The following ATXN7 variants were observed in gnomAD, a reference collection of about 807,000 sequenced individuals.
ATXN7 encodes ataxin-7.
Under a neutral mutation model 70.5 loss-of-function variants are expected in ATXN7, and 12 were observed. That is an observed-to-expected ratio of 0.17 (90% CI 0.11 to 0.28). ATXN7 has a LOEUF of 0.28. ATXN7 is among the 10% of genes least tolerant of loss of function. The pLI, the probability that ATXN7 is intolerant of heterozygous loss-of-function variation, is 1.00. For synonymous variants in ATXN7, 498 were observed against 448.7 expected (o/e 1.11, Z -1.39); for missense variants, 1,256 against 1,131.7 (o/e 1.11, Z -1.58).
chr3:63,912,808 C>T lies in ATXN7; in HGVS notation c.210C>T (p.Thr70=), dbSNP rs771619986. The change falls in exon 3 of 13, where the codon ACC becomes ACT. Residue 70 remains threonine, a synonymous_variant. Transcript: ENST00000674280. ...PEDGGPGAAS[T]SAAAMATVGE... is the part of the protein sequence containing the mutation. The stretch of plus-strand genomic sequence containing the variant: ...ACGGCGGGCCCGGCGCCGCCTCCAC[C>T]TCGGCCGCCGCAATGGCGACGGTCG... The T allele has an allele frequency of 1.9e-6, 3 of 1,565,454 alleles. No individual in the cohort carries two copies. The highest frequency in any genetic ancestry group is 1.9e-5 in the Admixed American group (1 of 52,802).
intron 4 of ATXN7, among the ~76,000 whole-genome samples, chr3:63,913,571 G>T (rs1167365172): frequency 6.6e-6 from 1 of 152,178 alleles, no homozygotes; most frequent in Non-Finnish European, 1.5e-5. Flanking sequence ...ACCTTTCCAC[G>T]AATGCTTAGG....
chr3:63,946,632 G>C (rs1340448218), intron 4 of ATXN7, among the ~76,000 whole-genome samples: 1 of 143,172 alleles, frequency 7.0e-6, no homozygotes, highest in African/African-American at 2.7e-5. Context: ...GACAGAGCGA[G>C]ACTCTGTCTC....
intron 4 of ATXN7, among the ~76,000 whole-genome samples, chr3:63,935,449 T>C (rs1457967469): frequency 6.6e-6 from 1 of 152,152 alleles, no homozygotes; most frequent in Non-Finnish European, 1.5e-5. Context: ...AAAAAAATTA[T>C]TCCCCCAAAG....
chr3:63,995,780 C>T lies in ATXN7; in HGVS notation c.1958C>T (p.Pro653Leu), dbSNP rs759141019. 1.4e-5 allele frequency: 23 copies of T among 1,614,116 alleles called. No individual in the cohort carries two copies. Among genetic ancestry groups the T allele is most frequent in the Middle Eastern group, 3.3e-4 (2 of 6,084 alleles). Residue 653 changes from proline (P) to leucine (L), a missense_variant, in exon 12 of 13, where the codon CCT becomes CTT. Coordinates refer to ENST00000674280, the MANE Select transcript of ATXN7 (RefSeq NM_001377405.1). Reference protein sequence around the residue: ...SRQVSSSSSSPSTPSGLSSVP... With the variant: ...SRQVSSSSSSLSTPSGLSSVP... ...CAAGTGTCCTCTTCATCCTCATCCC[C>T]TTCCACGCCCTCTGGCCTTTCCTCG...
intron 4 of ATXN7, among the ~76,000 whole-genome samples, chr3:63,940,281 C>T (rs1011785541): frequency 7.4e-6 from 1 of 135,990 alleles, no homozygotes; most frequent in African/African-American, 2.9e-5. Context: ...GAGGCCATGC[C>T]CCATCACACA....
At chr3:63,868,150 CTT>C (rs1187713273) in intron 1 of ATXN7, among the ~76,000 whole-genome samples, 2 of 152,316 alleles carry the variant, frequency 1.3e-5, no homozygotes, top group African/African-American at 4.8e-5. Context: ...GCTCCACTCT[CTT>C]CTCTCCAGAA....
upstream of ATXN7, chr3:63,863,439 A>G (rs1053872989): frequency 1.1e-4 from 123 of 1,116,546 alleles, no homozygotes; most frequent in Non-Finnish European, 1.3e-4. Context: ...CCGCCCTTGC[A>G]CCGCTTCTAG....
rs1346623946 is a variant in ATXN7 at position 64,000,238 on chromosome 3, A to G, written c.*771A>G. The G allele has an allele frequency of 6.8e-6, 1 of 146,218 alleles. No homozygotes were observed. The highest frequency in any genetic ancestry group is 1.5e-5 in the Non-Finnish European group (1 of 66,390). 9.1% of individuals were successfully genotyped at this position (146,218 alleles called of 1,614,324 possible). ...GTGTGATTTTTTTTTTTAAGAAGAAAGAAAATGCAAGCTAGTTTTGAGAAA... is the reference window on the plus strand; with the variant it reads ...GTGTGATTTTTTTTTTTAAGAAGAAGGAAAATGCAAGCTAGTTTTGAGAAA... On this transcript the variant is annotated 3_prime_UTR_variant, in exon 13 of 13. Coordinates refer to ENST00000674280, the MANE Select transcript of ATXN7 (RefSeq NM_001377405.1).
chr3:63,873,232 CTT>C (rs1702648511), intron 1 of ATXN7, among the ~76,000 whole-genome samples: 1 of 152,152 alleles, frequency 6.6e-6, no homozygotes, highest in Non-Finnish European at 1.5e-5. Flanking sequence ...AGCCAGAGAT[CTT>C]TGGTTGTAAG....
Position 64,000,822 on chromosome 3 carries a change from A to G in ATXN7, c.*1355A>G, listed in dbSNP as rs2075825595. ...TACCCCACCCCCCACCCCTAAAGAA[A>G]GACCTTAATATGTTAAAACAGCATT... On this transcript the variant is annotated 3_prime_UTR_variant, in exon 13 of 13. Transcript: ENST00000674280. The G allele has an allele frequency of 8.9e-6, 1 of 112,682 alleles. No homozygotes were observed. Among genetic ancestry groups the G allele is most frequent in the African/African-American group, 3.5e-5 (1 of 28,640 alleles). 7.0% of individuals were successfully genotyped at this position (112,682 alleles called of 1,614,324 possible). A position where few individuals can be genotyped will look rare whatever the true frequency, so the allele number is the denominator to read the frequency against.
intron 4 of ATXN7, among the ~76,000 whole-genome samples, chr3:63,947,887 C>A (rs1310828725): frequency 6.6e-6 from 1 of 152,032 alleles, no homozygotes; most frequent in Non-Finnish European, 1.5e-5. Context: ...GTGCCTGGAG[C>A]AGAGTGAGCC....
chr3:63,998,497 C>T (rs2075795275), intron 12 of ATXN7: 3 of 985,292 alleles, frequency 3.0e-6, no homozygotes, highest in Non-Finnish European at 3.6e-6. Context: ...CATGTAGTGG[C>T]ACTATGTCTT....
At chr3:63,882,447 C>T (rs1207992195) in intron 1 of ATXN7, among the ~76,000 whole-genome samples, 3 of 149,600 alleles carry the variant, frequency 2.0e-5, no homozygotes, top group African/African-American at 2.5e-5. Context: ...TGCAGTGGCA[C>T]AATCTTGGCT....
chr3:63,910,456 T>G (rs566482891), intron 2 of ATXN7, among the ~76,000 whole-genome samples: 27 of 152,198 alleles, frequency 1.8e-4, no homozygotes, highest in Non-Finnish European at 3.5e-4. Context: ...AGTAATAAAT[T>G]GTGTACTTTA....
At chr3:63,941,675 G>C (rs2074771284) in intron 4 of ATXN7, among the ~76,000 whole-genome samples, 1 of 151,724 alleles carries the variant, frequency 6.6e-6, no homozygotes, top group African/African-American at 2.4e-5. Flanking sequence ...GTTTACGCAG[G>C]GCCAGACCTC....
At chr3:63,886,680 A>C (rs1344815240) in intron 1 of ATXN7, among the ~76,000 whole-genome samples, 10 of 152,222 alleles carry the variant, frequency 6.6e-5, no homozygotes, top group Admixed American at 6.5e-4. Flanking sequence ...AAGTCATCCC[A>C]AAATTGAAAG....
At chr3:63,947,455 G>A (rs1156981917) in intron 4 of ATXN7, among the ~76,000 whole-genome samples, 1 of 152,212 alleles carries the variant, frequency 6.6e-6, no homozygotes, top group East Asian at 1.9e-4. Context: ...GGGCGTGGTG[G>A]TGCACACCTG....
rs552964080 is a variant in ATXN7, at chr3:63,961,441, A to G, written c.499+8958A>G. Reference sequence around the variant, plus strand: ...GGAATGTCTGTCAGTATTTTAGCATATTGATTCTCCGCATGGAACCTGGTC... The same window carrying G: ...GGAATGTCTGTCAGTATTTTAGCATGTTGATTCTCCGCATGGAACCTGGTC... On this transcript the variant is annotated intron_variant, in intron 5 of 12. Transcript: ENST00000674280. Among the ~76,000 whole-genome samples, 333 of 152,252 alleles carry G rather than the reference A, an allele frequency of 2.2e-3. 1 individual carries two copies. Among genetic ancestry groups the G allele is most frequent in the African/African-American group, 7.0e-3 (290 of 41,538 alleles).
rs1186393667 is a variant in ATXN7, at chr3:63,863,942, C to CCTGCTCCGACGCCTGA, written c.-327_-326insCTGCTCCGACGCCTGA. 5.1e-5 allele frequency: 7 copies of CCTGCTCCGACGCCTGA among 137,220 alleles called. No homozygotes were observed. Among genetic ancestry groups the CCTGCTCCGACGCCTGA allele is most frequent in the African/African-American group, 2.2e-4 (7 of 31,762 alleles). The allele number at this position is 137,220 out of a possible 1,614,324, so 8.5% of individuals were successfully genotyped here. A position where few individuals can be genotyped will look rare whatever the true frequency, so the allele number is the denominator to read the frequency against. ...GCCGCCTGCTCCGACGCCTGAGCCGCGCCGCGCCGCGCCGCCGCCGCCGCC... is the reference window on the plus strand; with the variant it reads ...GCCGCCTGCTCCGACGCCTGAGCCGCCTGCTCCGACGCCTGAGCCGCGCCGCGCCGCCGCCGCCGCC... On this transcript the variant is annotated 5_prime_UTR_variant, in exon 1 of 13. The change creates a premature stop within an existing upstream ORF in the 5' untranslated region. Transcript: ENST00000674280.
Sources: gnomAD v4.1 joint callset for allele counts (sites outside exome capture counted in the v4.1 genomes callset) on GRCh38, gnomAD v4.1.1 for gene constraint, MANE v1.5 for transcripts, NCBI Gene and HGNC (gene_info 2026-07-23, HGNC 2026-07-21) for gene names.